The following PARD3B variants were observed in gnomAD, a reference collection of about 807,000 sequenced individuals.
PARD3B encodes the protein partitioning defective 3 homolog B.
In PARD3B, 103 loss-of-function variants were observed where a neutral mutation model predicts 130.2. The observed-to-expected ratio is 0.79, with a 90% CI of 0.67 to 0.93. The LOEUF (loss-of-function observed/expected upper bound fraction) is 0.93, where lower values mean the gene tolerates loss of function less well. Among genes scored for constraint, PARD3B ranks in the 40% least tolerant of loss-of-function variants. The probability of loss-of-function intolerance (pLI) is 0.00; values close to 1 mark genes in which losing one functional copy is unlikely to be tolerated. For missense variants in PARD3B, 1,609 were observed against 1,499.2 expected, an observed-to-expected ratio of 1.07 and a Z score of -1.21; for synonymous variants, 583 against 553.2, an observed-to-expected ratio of 1.05 and a Z score of -0.76.
At chr2:205,486,507 G>A (rs984882217) in intron 20 of PARD3B, among the ~76,000 whole-genome samples, 2 of 152,116 alleles carry the variant, frequency 1.3e-5, no homozygotes, top group South Asian at 4.2e-4. Context: ...AGAAGAGGTC[G>A]AGTTGGCTCA....
chr2:204,831,002 TTTATTATCTA>T (rs1285525890), intron 2 of PARD3B, among the ~76,000 whole-genome samples: 3 of 152,214 alleles, frequency 2.0e-5, no homozygotes, highest in African/African-American at 7.2e-5. Flanking sequence ...GATATCTCCT[TTTATTATCTA>T]AATAACTGAG....
At chr2:205,481,481 G>A (rs4675528) in intron 20 of PARD3B, among the ~76,000 whole-genome samples, 139,881 of 152,174 alleles carry the variant, frequency 0.92, 64,471 homozygotes, top group Admixed American at 0.97. Flanking sequence ...CTGCCATGCT[G>A]CTATGAACCG....
chr2:205,582,289 C>T (rs1302875595), intron 22 of PARD3B, among the ~76,000 whole-genome samples: 5 of 152,160 alleles, frequency 3.3e-5, no homozygotes, highest in African/African-American at 9.7e-5. Flanking sequence ...TAATTCCTAT[C>T]GTCTTGCCTT....
chr2:205,527,369 T>C (rs1309304535), intron 21 of PARD3B, among the ~76,000 whole-genome samples: 1 of 152,192 alleles, frequency 6.6e-6, no homozygotes, highest in African/African-American at 2.4e-5. Context: ...AAGGATTTTT[T>C]ATAAAAATTC....
intron 14 of PARD3B, among the ~76,000 whole-genome samples, chr2:205,191,928 A>T (rs1346291350): frequency 6.6e-6 from 1 of 152,164 alleles, no homozygotes; most frequent in African/African-American, 2.4e-5. Flanking sequence ...ATCTTAGCTC[A>T]CTGCAGCCTC....
At chr2:205,240,266 A>G (rs376227331) in intron 15 of PARD3B, among the ~76,000 whole-genome samples, 1 of 152,168 alleles carries the variant, frequency 6.6e-6, no homozygotes, top group East Asian at 1.9e-4. Context: ...TTAAGTTCTG[A>G]AGGAACAACT....
rs1175871869 is a variant in PARD3B, at chr2:205,572,426, C to T, written c.3260+19023C>T. 1.3e-5 allele frequency among the ~76,000 whole-genome samples: 2 copies of T among 152,088 alleles called. No individual in the cohort carries two copies. The highest frequency in any genetic ancestry group is 2.4e-5 in the African/African-American group (1 of 41,410). On this transcript the variant is annotated intron_variant, in intron 22 of 22. Transcript: ENST00000406610. This position sits in a 1 kb window ranked among gnomAD's most constrained non-coding sequence, Gnocchi z 4.2. ...ATCAGATTTGCACTGTAGAGAAAGC[C>T]CCTTGATAATTTCATGGAAAATAAA... is the stretch of plus-strand genomic sequence containing the variant.
Position 205,615,529 on chromosome 2 carries a change from T to C in PARD3B, c.3334T>C (p.Tyr1112His). The change falls in exon 23 of 23, where the codon TAT becomes CAT. Residue 1112 changes from tyrosine to histidine, a missense_variant. Coordinates refer to ENST00000406610, the MANE Select transcript of PARD3B (RefSeq NM_001302769.2). ...GCTCTACAAGGAAAGGGAGCTTCCC[T>C]ATTATCCAGGGGCTCATCCTATGCA... is the stretch of plus-strand genomic sequence containing the variant. ...RGLYKERELPYYPGAHPMHPP... is the reference protein window; with the variant it reads ...RGLYKERELPHYPGAHPMHPP... 6.2e-7 allele frequency: 1 copy of C among 1,614,068 alleles called. No homozygotes were observed. Among genetic ancestry groups the C allele is most frequent in the Non-Finnish European group, 8.5e-7 (1 of 1,179,966 alleles).
intron 10 of PARD3B, among the ~76,000 whole-genome samples, chr2:205,130,167 A>G (rs2031865745): frequency 6.6e-6 from 1 of 152,184 alleles, no homozygotes; most frequent in Non-Finnish European, 1.5e-5. Flanking sequence ...TGACTGGGTG[A>G]GAGTTTACTG....
At chr2:205,587,996 C>T (rs754310337) in intron 22 of PARD3B, among the ~76,000 whole-genome samples, 8 of 152,214 alleles carry the variant, frequency 5.3e-5, no homozygotes, top group Admixed American at 2.0e-4. Context: ...ACTGCCTCCT[C>T]TGCCTAGCAC....
intron 2 of PARD3B, among the ~76,000 whole-genome samples, chr2:204,729,990 C>CGCACACAA: frequency 8.3e-6 from 1 of 119,878 alleles, no homozygotes; most frequent in African/African-American, 3.6e-5. Flanking sequence ...CAGATACACA[C>CGCACACAA]ACACACAAAC....
At chr2:204,560,817 TG>T (rs1282960671) in intron 1 of PARD3B, among the ~76,000 whole-genome samples, 2 of 151,750 alleles carry the variant, frequency 1.3e-5, no homozygotes, top group Admixed American at 6.6e-5. Flanking sequence ...TAGAGGGAGC[TG>T]GGACTGGAGG....
At position 205,002,010 on chromosome 2, in the gene PARD3B, T is replaced by C. The variant is rs548746990; in HGVS notation, c.394+36687T>C. Among the ~76,000 whole-genome samples, 225 of 152,208 alleles carry C rather than the reference T, an allele frequency of 1.5e-3. 1 individual carries two copies. Among genetic ancestry groups the C allele is most frequent in the African/African-American group, 5.2e-3 (217 of 41,522 alleles). On this transcript the variant is annotated intron_variant, in intron 3 of 22. Transcript: ENST00000406610. ...AATTTAGGAAGAAATCTTGAGAATTTCCCCCTAAACAAAAATATATTTACT... is the reference window on the plus strand; with the variant it reads ...AATTTAGGAAGAAATCTTGAGAATTCCCCCCTAAACAAAAATATATTTACT...
chr2:204,823,855 G>A (rs551609294), intron 2 of PARD3B, among the ~76,000 whole-genome samples: 3 of 151,532 alleles, frequency 2.0e-5, no homozygotes, highest in Non-Finnish European at 4.4e-5. Flanking sequence ...CAGGAGAATC[G>A]CTTGAGTCCA....
chr2:205,049,013 G>A (rs1443724971), intron 4 of PARD3B, among the ~76,000 whole-genome samples: 1 of 152,128 alleles, frequency 6.6e-6, no homozygotes, highest in Non-Finnish European at 1.5e-5. Flanking sequence ...TGTTGGATTG[G>A]GGGAAGACAG....
intron 2 of PARD3B, among the ~76,000 whole-genome samples, chr2:204,776,347 G>T (rs1264929358): frequency 6.6e-6 from 1 of 152,068 alleles, no homozygotes; most frequent in Non-Finnish European, 1.5e-5. Context: ...TAATATGGAG[G>T]TGATTTATTG....
intron 2 of PARD3B, among the ~76,000 whole-genome samples, chr2:204,803,351 C>T (rs1272531646): frequency 2.6e-5 from 4 of 151,776 alleles, no homozygotes. Flanking sequence ...AAGATACAAA[C>T]CTCACTGGTA....
chr2:205,159,889 G>T (rs1387335718), intron 11 of PARD3B, among the ~76,000 whole-genome samples: 4 of 152,188 alleles, frequency 2.6e-5, no homozygotes, highest in African/African-American at 9.7e-5. Flanking sequence ...GACAATATGT[G>T]TCAAGTGCTT....
In PARD3B at chr2:204,688,434, C is replaced by T. The variant is rs1559060897; in HGVS notation, c.222+2152C>T. On this transcript the variant is annotated intron_variant, in intron 2 of 22. Transcript: ENST00000406610. ...CTCTACTAAAAATACAAAAAAATTA[C>T]ACAGGAGTGGTGGCATGCACCTGTA... Among the ~76,000 whole-genome samples the T allele has an allele frequency of 7.2e-5, 11 of 151,726 alleles. No individual in the cohort carries two copies. The South Asian group carries it at 2.3e-3, about 32-fold the overall frequency.
Sources: allele counts gnomAD v4.1 joint callset (sites outside exome capture counted in the v4.1 genomes callset), GRCh38; gene constraint gnomAD v4.1.1; non-coding constraint Gnocchi (gnomAD v3.1); transcripts MANE v1.5; gene names NCBI Gene and HGNC (gene_info 2026-07-23, HGNC 2026-07-21).